Variants in EPB41L2 observed in about 807,000 individuals in gnomAD.
EPB41L2 encodes the protein erythrocyte membrane protein band 4.1 like 2.
EPB41L2 carries 43 observed loss-of-function variants against 113.0 expected under a neutral mutation model. That is an observed-to-expected ratio of 0.38 (90% CI 0.30 to 0.49). The LOEUF is 0.49. EPB41L2 is among the 20% of genes least tolerant of loss of function. EPB41L2 has a pLI of 0.95. For synonymous variants in EPB41L2, 442 were observed against 436.7 expected, an observed-to-expected ratio of 1.01 and a Z score of -0.15; for missense variants, 1,147 against 1,223.4, an observed-to-expected ratio of 0.94 and a Z score of 0.93.
At position 130,869,896 on chromosome 6, in the gene EPB41L2, G is replaced by C. The variant is rs373818716; in HGVS notation, c.2274C>G (p.Pro758=). The C allele has an allele frequency of 1.2e-6, 2 of 1,612,478 alleles. No homozygotes were observed. Among genetic ancestry groups the C allele is most frequent in the African/African-American group, 2.7e-5 (2 of 74,828 alleles). ...SEEEDVGEYR[P]HHRVTEGTIR... ...TGGTGCCCTCGGTCACTCGGTGGTG[G>C]GGACGGTACTCTCCCACGTCTTCCT... The change falls in exon 15 of 20, where the codon CCC becomes CCG. Residue 758 remains proline (P), a synonymous_variant. Coordinates refer to ENST00000337057, the MANE Select transcript of EPB41L2 (RefSeq NM_001431.4).
At chr6:130,889,369 T>A (rs1792050504) in intron 11 of EPB41L2, among the ~76,000 whole-genome samples, 1 of 152,008 alleles carries the variant, frequency 6.6e-6, no homozygotes, top group South Asian at 2.1e-4. Flanking sequence ...ATATATATAT[T>A]TTTCCATGTG....
chr6:130,870,236 G>T, intron 14 of EPB41L2, 110 bp from the exon 15 acceptor site: 1 of 1,526,816 alleles, frequency 6.5e-7, no homozygotes, highest in Non-Finnish European at 8.9e-7. Flanking sequence ...AAACAAAGAT[G>T]ATTATGATGG....
chr6:130,854,659 A>G (rs201001144), intron 19 of EPB41L2, among the ~76,000 whole-genome samples: 1 of 61,880 alleles, frequency 1.6e-5, no homozygotes, highest in Admixed American at 1.6e-4. Context: ...AAATTTAGAG[A>G]AAAAAACATC....
At chr6:130,872,156 ATTT>A (rs138681439) in intron 14 of EPB41L2, among the ~76,000 whole-genome samples, 1 of 150,708 alleles carries the variant, frequency 6.6e-6, no homozygotes, top group African/African-American at 2.4e-5. Flanking sequence ...ATTTAGGCAG[ATTT>A]TTTTTTTCTT....
rs1816373036 is a variant in EPB41L2, at chr6:130,954,040, C to CTTTCTTTTTTT, written c.705+1064_705+1065insAAAAAAAGAAA. 1.2e-3 allele frequency among the ~76,000 whole-genome samples: 72 copies of CTTTCTTTTTTT among 58,850 alleles called. 5 individuals are homozygous for CTTTCTTTTTTT. Among genetic ancestry groups the CTTTCTTTTTTT allele is most frequent in the South Asian group, 2.8e-3 (3 of 1,082 alleles). 38.6% of individuals were successfully genotyped at this position (58,850 alleles called of 152,430 possible). ...TCCTCTTTTGCTAGTCCTTTTCTTT[C>CTTTCTTTTTTT]TTTTTTTTTTTTTTTTTTTTTTTTT... On this transcript the variant is annotated intron_variant, in intron 3 of 19. Transcript: ENST00000337057.
rs867542390 is a variant in EPB41L2, at chr6:130,841,388, G to A, written c.*6-790C>T. Among the ~76,000 whole-genome samples, 5 of 152,156 alleles carry A rather than the reference G, an allele frequency of 3.3e-5. No individual in the cohort carries two copies. In the South Asian group the frequency reaches 1.0e-3, roughly 32 times the overall value. On this transcript the variant is annotated intron_variant, in intron 19 of 19. Coordinates refer to ENST00000337057, the MANE Select transcript of EPB41L2 (RefSeq NM_001431.4). ...AGGGCATGATAAGCCCAGGAAAGGA[G>A]GTTGGGATCGTTTCTTCTTTGGTTT...
intron 1 of EPB41L2, among the ~76,000 whole-genome samples, chr6:131,029,495 C>T (rs1791614870): frequency 6.6e-6 from 1 of 150,438 alleles, no homozygotes; most frequent in African/African-American, 2.4e-5. Flanking sequence ...AGAAGCTATA[C>T]TTACATTCTA....
chr6:130,925,505 G>A (rs908841343), intron 4 of EPB41L2, among the ~76,000 whole-genome samples: 29 of 152,004 alleles, frequency 1.9e-4, no homozygotes, highest in African/African-American at 6.5e-4. Context: ...TCTTAATGTA[G>A]TATATCCTAT....
At chr6:131,004,956 T>C (rs1785142620) in intron 1 of EPB41L2, among the ~76,000 whole-genome samples, 1 of 152,216 alleles carries the variant, frequency 6.6e-6, no homozygotes, top group African/African-American at 2.4e-5. Context: ...CTTTGCAACT[T>C]TCTATCAAGA....
At chr6:131,050,672 G>A (rs1477185366) in intron 1 of EPB41L2, among the ~76,000 whole-genome samples, 1 of 152,162 alleles carries the variant, frequency 6.6e-6, no homozygotes, top group South Asian at 2.1e-4. Flanking sequence ...GTCCCACCTA[G>A]TAATGAAATT....
chr6:130,949,829 T>C (rs1318284537), intron 3 of EPB41L2, among the ~76,000 whole-genome samples: 3 of 151,994 alleles, frequency 2.0e-5, no homozygotes, highest in Non-Finnish European at 4.4e-5. Flanking sequence ...TGAAGACAAT[T>C]AGAATGGAGA....
chr6:130,869,792 G>A lies in EPB41L2; in HGVS notation c.2378C>T (p.Ala793Val). The A allele has an allele frequency of 1.9e-6, 3 of 1,613,984 alleles. No individual in the cohort carries two copies. The East Asian group carries it at 6.7e-5, about 36-fold the overall frequency. Reference sequence around the variant, plus strand: ...TGTGACTGGGCTGGCTTCGGGCACTGCTTCCTCCCTCTCTACTACCTTGGC... The same window carrying A: ...TGTGACTGGGCTGGCTTCGGGCACTACTTCCTCCCTCTCTACTACCTTGGC... ...PAAKVVEREE[A>V]VPEASPVTQA... The change falls in exon 15 of 20, where the codon GCA (alanine) becomes GTA (valine). Residue 793 changes from alanine (A) to valine (V), a missense_variant. Transcript: ENST00000337057.
intron 1 of EPB41L2, among the ~76,000 whole-genome samples, chr6:131,000,458 G>A (rs762470230): frequency 1.3e-5 from 2 of 152,076 alleles, no homozygotes; most frequent in East Asian, 1.9e-4. Context: ...TCTGACCAAC[G>A]CAACTACCAA....
At chr6:130,848,896 G>C (rs570764896) in intron 19 of EPB41L2, among the ~76,000 whole-genome samples, 11 of 152,288 alleles carry the variant, frequency 7.2e-5, no homozygotes, top group African/African-American at 2.6e-4. Flanking sequence ...TGACAGTTAC[G>C]TTAATGTCTA....
chr6:130,875,483 G>C (rs964579706), intron 14 of EPB41L2, among the ~76,000 whole-genome samples: 3 of 151,972 alleles, frequency 2.0e-5, no homozygotes, highest in Non-Finnish European at 2.9e-5. Context: ...CCAAGCCCCT[G>C]TCATTTGGTC....
At chr6:131,034,620 G>C (rs1792923961) in intron 1 of EPB41L2, among the ~76,000 whole-genome samples, 1 of 152,176 alleles carries the variant, frequency 6.6e-6, no homozygotes, top group Admixed American at 6.5e-5. Flanking sequence ...GAACAACTCA[G>C]GTCTCTTATC....
intron 3 of EPB41L2, among the ~76,000 whole-genome samples, chr6:130,953,571 A>G (rs1816042923): frequency 6.6e-6 from 1 of 152,108 alleles, no homozygotes; most frequent in Admixed American, 6.5e-5. Flanking sequence ...AATTTAAATG[A>G]TGAGTTAATG....
rs60350565 is a variant in EPB41L2 at position 130,892,403 on chromosome 6, C to CTTTTTT, written c.1487+1935_1488-1938dup. Among the ~76,000 whole-genome samples the CTTTTTT allele has an allele frequency of 6.9e-4, 64 of 92,602 alleles. 6 individuals are homozygous for CTTTTTT. The highest frequency in any genetic ancestry group is 5.5e-4 in the Non-Finnish European group (23 of 41,470). The allele number at this position is 92,602 out of a possible 152,430, so 60.8% of individuals were successfully genotyped here. A position where few individuals can be genotyped will look rare whatever the true frequency, so the allele number is the denominator to read the frequency against. ...CTTGCCATTTCTGAACAGATTATTGCTTTTTTTTTTTTTTTTTTTATCATT... is the reference window on the plus strand; with the variant it reads ...CTTGCCATTTCTGAACAGATTATTGCTTTTTTTTTTTTTTTTTTTTTTTTTATCATT... On this transcript the variant is annotated intron_variant, in intron 10 of 19. Transcript: ENST00000337057.
At chr6:131,003,681 C>T (rs184359271) in intron 1 of EPB41L2, among the ~76,000 whole-genome samples, 52 of 152,194 alleles carry the variant, frequency 3.4e-4, no homozygotes, top group African/African-American at 1.2e-3. Flanking sequence ...TTTTCAAAAA[C>T]CATCATATTG....
Sources: gnomAD v4.1 joint callset for allele counts (sites outside exome capture counted in the v4.1 genomes callset) on GRCh38, gnomAD v4.1.1 for gene constraint, MANE v1.5 for transcripts, NCBI Gene and HGNC (gene_info 2026-07-23, HGNC 2026-07-21) for gene names.